TOR2A: variants seen among roughly 807,000 people sequenced by gnomAD.
The protein encoded by TOR2A is torsin family 2 member A.
A neutral mutation model predicts 28.6 loss-of-function variants in TOR2A; 24 were observed. That is an observed-to-expected ratio of 0.84 (90% CI 0.61 to 1.18). TOR2A has a LOEUF of 1.18. TOR2A is among the 50% of genes most tolerant of loss of function. The pLI, the probability that TOR2A is intolerant of heterozygous loss-of-function variation, is 0.00. For missense variants in TOR2A, 426 were observed against 448.1 expected, an observed-to-expected ratio of 0.95 and a Z score of 0.45; for synonymous variants, 203 against 203.1, an observed-to-expected ratio of 1.00 and a Z score of 0.00.
In TOR2A at chr9:127,731,974, G is replaced by A; in HGVS notation, c.*60C>T. ...GGTGCTCTGGGTTCCTGTGACAGAG[G>A]CCCCTGGCCTTTCCTGCATGGCCTG... On this transcript the variant is annotated 3_prime_UTR_variant, in exon 5 of 5. Coordinates refer to ENST00000373284, the MANE Select transcript of TOR2A (RefSeq NM_001085347.3). 3.2e-6 allele frequency: 5 copies of A among 1,549,536 alleles called. No homozygotes were observed. Among genetic ancestry groups the A allele is most frequent in the Non-Finnish European group, 4.4e-6 (5 of 1,149,032 alleles).
intron 1 of TOR2A, 74 bp downstream of exon 1, chr9:127,735,046 C>G: frequency 1.5e-6 from 2 of 1,363,242 alleles, no homozygotes; most frequent in Non-Finnish European, 9.4e-7. Flanking sequence ...GCCAGCCGGG[C>G]TCCCAGGGCT....
chr9:127,734,717 AAAAGAGCC>A (rs1844614469), intron 1 of TOR2A, 153 bp from the exon 2 acceptor site: 1 of 943,314 alleles, frequency 1.1e-6, no homozygotes, highest in African/African-American at 1.7e-5. Context: ...TCTGTGGCGG[AAAAGAGCC>A]ACCTTCGGGC....
Position 127,733,588 on chromosome 9 carries a change from G to C in TOR2A, c.418-28C>G, listed in dbSNP as rs763171437. 1.9e-6 allele frequency: 3 copies of C among 1,573,184 alleles called. No homozygotes were observed. In the East Asian group the frequency reaches 6.8e-5, roughly 35 times the overall value. On this transcript the variant is annotated intron_variant, in intron 2 of 4. Coordinates refer to ENST00000373284, the MANE Select transcript of TOR2A (RefSeq NM_001085347.3). The stretch of plus-strand genomic sequence containing the variant: ...GTAGGGGAGAGACAGGAGTTCCAGG[G>C]GAGCTGGAGAAACTCCCCCAACACC...
At chr9:127,734,820 C>T (rs889566867) in intron 1 of TOR2A, 9 of 522,086 alleles carry the variant, frequency 1.7e-5, no homozygotes, top group Non-Finnish European at 2.5e-5. Context: ...GGGTCAGCCG[C>T]AGACCCCGCC....
rs575213000 is a variant in TOR2A, at chr9:127,732,204, G to A, written c.796C>T (p.His266Tyr). The A allele has an allele frequency of 1.6e-5, 25 of 1,612,296 alleles. 1 individual carries two copies. The highest frequency in any genetic ancestry group is 9.3e-5 in the African/African-American group (7 of 75,036). Reference protein sequence around the residue: ...AVVPFLPLQRHHVRHCVLNEL... With the variant: ...AVVPFLPLQRYHVRHCVLNEL... The stretch of plus-strand genomic sequence containing the variant: ...TTGAGCACGCAGTGCCGGACGTGGT[G>A]CCGCTGGAGCGGGAGGAAGGGCACC... The change falls in exon 5 of 5, where the codon CAC (histidine) becomes TAC (tyrosine). Residue 266 changes from histidine to tyrosine, a missense_variant. His to Tyr is a moderately conservative substitution (Grantham distance 83). Coordinates refer to ENST00000373284, the MANE Select transcript of TOR2A (RefSeq NM_001085347.3).
Position 127,733,822 on chromosome 9 carries a change from T to C in TOR2A, c.418-262A>G, listed in dbSNP as rs557104048. 9.7e-6 allele frequency: 5 copies of C among 514,296 alleles called. No individual in the cohort carries two copies. In the East Asian group the frequency reaches 1.6e-4, roughly 17 times the overall value. 31.9% of individuals were successfully genotyped at this position (514,296 alleles called of 1,614,324 possible). On this transcript the variant is annotated intron_variant, in intron 2 of 4. Transcript: ENST00000373284. ...AGCTCCTTCCACGACACTTGCTGCTTTCTATAAAAGGGGAAGGCTCCTTCC... is the reference window on the plus strand; with the variant it reads ...AGCTCCTTCCACGACACTTGCTGCTCTCTATAAAAGGGGAAGGCTCCTTCC...
In TOR2A at chr9:127,735,170, C is replaced by G; in HGVS notation, c.101G>C (p.Arg34Pro). The G allele has an allele frequency of 6.7e-7, 1 of 1,486,646 alleles. No homozygotes were observed. The highest frequency in any genetic ancestry group is 2.3e-5 in the Admixed American group (1 of 43,696). The allele number at this position is 1,486,646 out of a possible 1,614,324, so 92.1% of individuals were successfully genotyped here. A position where few individuals can be genotyped will look rare whatever the true frequency, so the allele number is the denominator to read the frequency against. The part of the protein sequence containing the change: ...AAAAWDLASL[R>P]CTLGAFCECD... ...TTCGCAAAAGGCGCCCAAGGTGCAG[C>G]GCAGGGAAGCCAGGTCCCAGGCGGC... The change falls in exon 1 of 5, where the codon CGC (arginine) becomes CCC (proline). Residue 34 changes from arginine to proline, a missense_variant. Arg to Pro is a moderately radical substitution (Grantham distance 103, BLOSUM62 -2). Transcript: ENST00000373284.
intron 1 of TOR2A, 29 bp from the exon 2 acceptor site, chr9:127,734,593 C>T: frequency 6.8e-7 from 1 of 1,473,552 alleles, no homozygotes; most frequent in Non-Finnish European, 9.0e-7. Context: ...GGTGAGGACA[C>T]ATCCCACCGA....
rs926451479 is a variant in TOR2A at position 127,735,050 on chromosome 9, C to T, written c.151+70G>A. On this transcript the variant is annotated intron_variant, in intron 1 of 4. Transcript: ENST00000373284. ...CTCTGGCCGGCGCCAGCCGGGCTCC[C>T]AGGGCTCCCAGCGCTCCCGCGTCTG... 7.3e-6 allele frequency: 10 copies of T among 1,367,070 alleles called. No individual in the cohort carries two copies. The African/African-American group carries it at 1.4e-4, about 19-fold the overall frequency. 84.7% of individuals were successfully genotyped at this position (1,367,070 alleles called of 1,614,324 possible).
Position 127,734,384 on chromosome 9 carries a change from A to G in TOR2A, c.332T>C (p.Phe111Ser). 1 of 1,612,662 alleles carries G rather than the reference A, an allele frequency of 6.2e-7. No homozygotes were observed. Among genetic ancestry groups the G allele is most frequent in the Non-Finnish European group, 8.5e-7 (1 of 1,179,794 alleles). The change falls in exon 2 of 5, where the codon TTC becomes TCC. Residue 111 changes from phenylalanine to serine, a missense_variant. Coordinates refer to ENST00000373284, the MANE Select transcript of TOR2A (RefSeq NM_001085347.3). ...GCGGGGGCTGCGGAGGCCGCCCTGG[A>G]AGAGGTAGTGCGCCAGCAGGGAGCT... ...YVSSLLAHYL[F>S]QGGLRSPRVH...
In TOR2A at chr9:127,732,632, T is replaced by C; in HGVS notation, c.653A>G (p.Asp218Gly). 1 of 1,573,796 alleles carries C rather than the reference T, an allele frequency of 6.4e-7. No homozygotes were observed. Among genetic ancestry groups the C allele is most frequent in the South Asian group, 1.2e-5 (1 of 85,878 alleles). The change falls in exon 4 of 5, where the codon GAC (aspartate) becomes GGC (glycine). Residue 218 changes from aspartate to glycine, a missense_variant. Transcript: ENST00000373284. ...VALEAWRSRR[D>G]REEILLQELE... ...CTCCTGCAGGAGGATCTCCTCGCGG[T>C]CCCGCCGGCTGCGCCACGCCTCCAA... is the stretch of plus-strand genomic sequence containing the variant.
chr9:127,732,500 G>A lies in TOR2A; in HGVS notation c.721+64C>T, dbSNP rs538571049. ...TCAGTGGGCAAAGCATGAGACCCCG[G>A]GAGAGCCTGGCCCCTGGGTGTGGGG... On this transcript the variant is annotated intron_variant, in intron 4 of 4. Coordinates refer to ENST00000373284, the MANE Select transcript of TOR2A (RefSeq NM_001085347.3). The A allele has an allele frequency of 1.2e-4, 188 of 1,504,398 alleles. 1 individual carries two copies. In the African/African-American group the frequency reaches 2.2e-3, roughly 18 times the overall value. 93.2% of individuals were successfully genotyped at this position (1,504,398 alleles called of 1,614,324 possible). A position where few individuals can be genotyped will look rare whatever the true frequency, so the allele number is the denominator to read the frequency against.
chr9:127,732,156 C>T lies in TOR2A; in HGVS notation c.844G>A (p.Glu282Lys). The T allele has an allele frequency of 1.9e-6, 3 of 1,613,574 alleles. No individual in the cohort carries two copies. The highest frequency in any genetic ancestry group is 1.7e-6 in the Non-Finnish European group (2 of 1,180,018). Reference protein sequence around the residue: ...VLNELAQLGLEPRDEVVQAVL... With the variant: ...VLNELAQLGLKPRDEVVQAVL... ...GCCTGGACAACCTCATCCCTTGGCT[C>T]CAGGCCCAGCTGGGCCAGCTCGTTG... The change falls in exon 5 of 5, where the codon GAG becomes AAG. Residue 282 changes from glutamate (E) to lysine (K), a missense_variant. Glu to Lys is a moderately conservative substitution (Grantham distance 56). Transcript: ENST00000373284.
intron 2 of TOR2A, chr9:127,733,899 TG>T (rs1844576330): frequency 2.4e-6 from 1 of 417,676 alleles, no homozygotes; most frequent in African/African-American, 2.0e-5. Flanking sequence ...ATCAGCCTGG[TG>T]GGTACCCTGC....
Position 127,734,524 on chromosome 9 carries a change from ATGCTGGCCGGCCAGG to A in TOR2A, c.177_191del (p.Gly62_Ala66del). 4 of 1,538,986 alleles carry A rather than the reference ATGCTGGCCGGCCAGG, an allele frequency of 2.6e-6. No homozygotes were observed. The highest frequency in any genetic ancestry group is 1.4e-5 in the African/African-American group (1 of 72,556). On this transcript the variant is annotated inframe_deletion, in exon 2 of 5. Transcript: ENST00000373284. ...CCTTCACCACCAGCGCCTTGGCCAG[ATGCTGGCCGGCCAGG>A]TGCTGAGCCAGGTCACACTCCAGAC...
chr9:127,731,864 A>T lies in TOR2A; in HGVS notation c.*170T>A. The T allele has an allele frequency of 7.2e-7, 1 of 1,389,344 alleles. No homozygotes were observed. The highest frequency in any genetic ancestry group is 9.5e-7 in the Non-Finnish European group (1 of 1,048,842). 86.1% of individuals were successfully genotyped at this position (1,389,344 alleles called of 1,614,324 possible). A position where few individuals can be genotyped will look rare whatever the true frequency, so the allele number is the denominator to read the frequency against. On this transcript the variant is annotated 3_prime_UTR_variant, in exon 5 of 5. Coordinates refer to ENST00000373284, the MANE Select transcript of TOR2A (RefSeq NM_001085347.3). ...TTCCCTGGGGAAGGTGGCCGGGGCC[A>T]AGATGCTCTCGAGCCAGTTTAGAGG...
intron 4 of TOR2A, 33 bp from the exon 5 acceptor site, chr9:127,732,311 T>G: frequency 6.5e-7 from 1 of 1,541,722 alleles, no homozygotes; most frequent in Admixed American, 1.9e-5. Context: ...GGGGACTTTG[T>G]GCTTCACAAG....
In TOR2A at chr9:127,732,683, C is replaced by G. The variant is rs753722516; in HGVS notation, c.602G>C (p.Gly201Ala). 1 of 1,563,184 alleles carries G rather than the reference C, an allele frequency of 6.4e-7. No homozygotes were observed. The part of the protein sequence containing the change: ...KAIFIFISNT[G>A]GKQINQVALE... The stretch of plus-strand genomic sequence containing the variant: ...TGCCACCTGGTTGATCTGCTTGCCA[C>G]CCGTGTTGCTAAAACCATGGGGGAC... The change falls in exon 4 of 5, where the codon GGT becomes GCT. Residue 201 changes from glycine (G) to alanine (A), a missense_variant. By Grantham distance (60) the Gly-to-Ala change is moderately conservative (BLOSUM62 0). Transcript: ENST00000373284.
chr9:127,734,485 A>G lies in TOR2A; in HGVS notation c.231T>C (p.Phe77=). 1 of 1,590,480 alleles carries G rather than the reference A, an allele frequency of 6.3e-7. No homozygotes were observed. Among genetic ancestry groups the G allele is most frequent in the Non-Finnish European group, 8.6e-7 (1 of 1,168,570 alleles). ...GCTTGGTGGGGGCTGGGTCCCGCAC[A>G]AAGGCCTTCAGCGCCTTCACCACCA... ...KALVVKALKA[F]VRDPAPTKPL... The change falls in exon 2 of 5, where the codon TTT becomes TTC. Residue 77 remains phenylalanine, a synonymous_variant. Transcript: ENST00000373284.
Sources: gnomAD v4.1 joint callset for allele counts on GRCh38, gnomAD v4.1.1 for gene constraint, MANE v1.5 for transcripts, NCBI Gene and HGNC (gene_info 2026-07-23, HGNC 2026-07-21) for gene names.